ROBO2: variants seen among roughly 807,000 people sequenced by gnomAD.
ROBO2 encodes the protein roundabout homolog 2.
ROBO2 carries 53 observed loss-of-function variants against 160.8 expected under a neutral mutation model. The ratio of observed to expected loss-of-function variants is 0.33; its 90% CI spans 0.26 to 0.41. The LOEUF (loss-of-function observed/expected upper bound fraction) is 0.41. Ranked by LOEUF, ROBO2 falls within the 10% of genes least tolerant of loss-of-function variation. The pLI is 1.00. For synonymous variants in ROBO2, 664 were observed against 611.7 expected (o/e 1.09, Z -1.26); for missense variants, 1,577 against 1,722.4 (o/e 0.92, Z 1.49).
intron 2 of ROBO2, among the ~76,000 whole-genome samples, chr3:76,622,330 T>G: frequency 7.2e-6 from 1 of 139,204 alleles, no homozygotes; most frequent in African/African-American, 2.6e-5. Context: ...CCAGGTGTAG[T>G]GGTGCATACC....
At chr3:77,428,950 T>G (rs1315184791) in intron 2 of ROBO2, among the ~76,000 whole-genome samples, 1 of 152,150 alleles carries the variant, frequency 6.6e-6, no homozygotes, top group Non-Finnish European at 1.5e-5. Flanking sequence ...GAAGAGAAAG[T>G]CAGAACCATA....
chr3:77,639,502 G>C (rs919680503), intron 24 of ROBO2, among the ~76,000 whole-genome samples: 1 of 152,156 alleles, frequency 6.6e-6, no homozygotes, highest in Non-Finnish European at 1.5e-5. Flanking sequence ...TTTCAGAAAA[G>C]ACTGGAATAA....
chr3:77,390,363 T>A (rs566749008), intron 2 of ROBO2, among the ~76,000 whole-genome samples: 80 of 152,322 alleles, frequency 5.3e-4, no homozygotes, highest in African/African-American at 1.8e-3. Context: ...CATCTTGAAC[T>A]GTAGCTTCCA....
chr3:76,165,872 T>A (rs72630362), intron 2 of ROBO2, among the ~76,000 whole-genome samples: 6,958 of 152,068 alleles, frequency 0.046, 346 homozygotes, highest in East Asian at 0.22. Context: ...CTCCATAATA[T>A]AAAAATGCAA....
chr3:77,005,342 T>A (rs1406133808), intron 2 of ROBO2, among the ~76,000 whole-genome samples: 1 of 152,210 alleles, frequency 6.6e-6, no homozygotes, highest in Non-Finnish European at 1.5e-5. Flanking sequence ...TTGGAACAGA[T>A]TTGATCCTAT....
At chr3:76,649,411 A>G (rs1309415851) in intron 2 of ROBO2, among the ~76,000 whole-genome samples, 1 of 152,180 alleles carries the variant, frequency 6.6e-6, no homozygotes, top group Admixed American at 6.5e-5. Flanking sequence ...ACAGCTCCAG[A>G]CATAACACAA....
At chr3:76,092,132 A>T (rs962794609) in intron 2 of ROBO2, among the ~76,000 whole-genome samples, 1 of 152,142 alleles carries the variant, frequency 6.6e-6, no homozygotes, top group Non-Finnish European at 1.5e-5. Context: ...GATGTGGGAT[A>T]TGTGGGATGT....
chr3:76,036,781 G>A (rs1679827275), intron 2 of ROBO2, among the ~76,000 whole-genome samples: 1 of 152,022 alleles, frequency 6.6e-6, no homozygotes, highest in Non-Finnish European at 1.5e-5. Context: ...TGGGATTACA[G>A]GCATGAGCCA....
intron 2 of ROBO2, among the ~76,000 whole-genome samples, chr3:76,780,064 TCTTTG>T (rs1270275984): frequency 6.6e-6 from 1 of 150,980 alleles, no homozygotes; most frequent in Non-Finnish European, 1.5e-5. Flanking sequence ...ACACTAATTA[TCTTTG>T]GTTTTTAATA....
chr3:76,874,222 A>C (rs2072462894), intron 2 of ROBO2, among the ~76,000 whole-genome samples: 1 of 152,038 alleles, frequency 6.6e-6, no homozygotes, highest in South Asian at 2.1e-4. Context: ...AAAAAAAAAA[A>C]AGTAGCTTTG....
intron 2 of ROBO2, among the ~76,000 whole-genome samples, chr3:76,639,279 C>T (rs774561214): frequency 6.6e-6 from 1 of 151,286 alleles, no homozygotes; most frequent in Non-Finnish European, 1.5e-5. Context: ...TGTACATATA[C>T]ATATAGGTAT....
intron 2 of ROBO2, among the ~76,000 whole-genome samples, chr3:77,031,342 G>A (rs2063307595): frequency 1.3e-5 from 2 of 149,840 alleles, no homozygotes; most frequent in Non-Finnish European, 1.5e-5. Context: ...TGGTTCTTGG[G>A]GCAAAAAAAC....
At chr3:77,524,564 G>A (rs1341764465) in intron 6 of ROBO2, among the ~76,000 whole-genome samples, 1 of 151,350 alleles carries the variant, frequency 6.6e-6, no homozygotes, top group Non-Finnish European at 1.5e-5. Flanking sequence ...AAAACGTGAG[G>A]AGTTGTTTGT....
At chr3:76,662,010 T>C (rs2091842724) in intron 2 of ROBO2, among the ~76,000 whole-genome samples, 2 of 152,020 alleles carry the variant, frequency 1.3e-5, no homozygotes, top group Non-Finnish European at 2.9e-5. Context: ...CTACAAAGAG[T>C]GTTTTGTTAG....
chr3:77,407,037 G>A (rs544138593), intron 2 of ROBO2, among the ~76,000 whole-genome samples: 59 of 152,174 alleles, frequency 3.9e-4, no homozygotes, highest in African/African-American at 1.3e-3. Flanking sequence ...TGTTTCCCAG[G>A]CTGGTCTTAA....
At chr3:76,786,075 T>C (rs978758396) in intron 2 of ROBO2, among the ~76,000 whole-genome samples, 6 of 151,274 alleles carry the variant, frequency 4.0e-5, no homozygotes, top group African/African-American at 1.5e-4. Flanking sequence ...AAAACCCATA[T>C]ATCATATGGA....
chr3:77,236,645 A>G (rs1359118164), intron 2 of ROBO2, among the ~76,000 whole-genome samples: 1 of 152,176 alleles, frequency 6.6e-6, no homozygotes, highest in African/African-American at 2.4e-5. Flanking sequence ...CTCTTCTGGT[A>G]TCATACAGAA....
intron 2 of ROBO2, among the ~76,000 whole-genome samples, chr3:76,972,843 A>C (rs2059636463): frequency 6.6e-6 from 1 of 152,216 alleles, no homozygotes; most frequent in Admixed American, 6.5e-5. Flanking sequence ...TCAGAGAAAT[A>C]CATAAATAAA....
In ROBO2 at chr3:75,996,264, C is replaced by A. The variant is rs577679896; in HGVS notation, c.109+58662C>A. On this transcript the variant is annotated intron_variant, in intron 2 of 26. Transcript: ENST00000487694. ...GTCATGGGAGGGACCTAGTGGGAGG[C>A]AATTGAATCATGTGGGAGGTTTCCC... Among the ~76,000 whole-genome samples the A allele has an allele frequency of 9.9e-5, 15 of 152,240 alleles. No individual in the cohort carries two copies. The South Asian group carries it at 3.1e-3, about 32-fold the overall frequency.
Sources: gnomAD v4.1 joint callset for allele counts (sites outside exome capture counted in the v4.1 genomes callset) on GRCh38, gnomAD v4.1.1 for gene constraint, MANE v1.5 for transcripts, NCBI Gene and HGNC (gene_info 2026-07-23, HGNC 2026-07-21) for gene names.